Variants in JPH1 observed in about 807,000 individuals in gnomAD.
JPH1 encodes the protein junctophilin 1, also known as junctophilin-1.
JPH1 carries 12 observed loss-of-function variants against 53.6 expected under a neutral mutation model. That is an observed-to-expected ratio of 0.22 (90% CI 0.14 to 0.36). The LOEUF is 0.36. Among genes scored for constraint, JPH1 ranks in the 10% least tolerant of loss-of-function variants. JPH1 has a pLI of 1.00. For missense variants in JPH1, 808 were observed against 905.5 expected (o/e 0.89, Z 1.38); for synonymous variants, 375 against 363.8 (o/e 1.03, Z -0.35).
At chr8:74,280,137 A>C (rs992283147) in intron 2 of JPH1, among the ~76,000 whole-genome samples, 1 of 152,228 alleles carries the variant, frequency 6.6e-6, no homozygotes. Flanking sequence ...AGTAAGTAAA[A>C]AATGAAGTTA....
intron 1 of JPH1, among the ~76,000 whole-genome samples, chr8:74,316,610 G>A (rs1186116537): frequency 6.6e-6 from 1 of 152,150 alleles, no homozygotes; most frequent in East Asian, 1.9e-4. Context: ...ATCTTCTACT[G>A]TTACCATTTT....
intron 3 of JPH1, among the ~76,000 whole-genome samples, chr8:74,249,985 C>T (rs1453897795): frequency 2.0e-5 from 3 of 152,196 alleles, no homozygotes; most frequent in Non-Finnish European, 2.9e-5. Flanking sequence ...CCCAAGAGGG[C>T]TCCAAGTACT....
intron 2 of JPH1, among the ~76,000 whole-genome samples, chr8:74,287,502 T>C (rs1052763740): frequency 5.9e-5 from 9 of 152,166 alleles, no homozygotes; most frequent in African/African-American, 2.2e-4. Context: ...CTGATTGTTA[T>C]GAGCCCCAAG....
At chr8:74,312,092 T>C (rs1196006574) in intron 2 of JPH1, among the ~76,000 whole-genome samples, 2 of 152,176 alleles carry the variant, frequency 1.3e-5, no homozygotes, top group East Asian at 1.9e-4. Context: ...CATTATATAA[T>C]AGCAAGGAAT....
chr8:74,288,268 T>C (rs1165033454), intron 2 of JPH1, among the ~76,000 whole-genome samples: 1 of 152,242 alleles, frequency 6.6e-6, no homozygotes, highest in African/African-American at 2.4e-5. Flanking sequence ...GCTAAGCCTC[T>C]GCCACCCTCT....
chr8:74,289,593 A>C (rs1370368582), intron 2 of JPH1, among the ~76,000 whole-genome samples: 1 of 152,042 alleles, frequency 6.6e-6, no homozygotes, highest in African/African-American at 2.4e-5. Flanking sequence ...TACCTGCCTA[A>C]ATCCTTGTCA....
At position 74,321,404 on chromosome 8, in the gene JPH1, G is replaced by A; in HGVS notation, c.-117C>T. On this transcript the variant is annotated 5_prime_UTR_variant, in exon 1 of 6. Transcript: ENST00000342232. This position sits in a 1 kb window ranked among gnomAD's most constrained non-coding sequence, Gnocchi z 4.3. ...GGGCGAGCTCACGACAGCGCCCTGGGCAGCTCGCGCTGCCGCTCGGCTCCA... is the reference window on the plus strand; with the variant it reads ...GGGCGAGCTCACGACAGCGCCCTGGACAGCTCGCGCTGCCGCTCGGCTCCA... 1 of 1,023,676 alleles carries A rather than the reference G, an allele frequency of 9.8e-7. No individual in the cohort carries two copies. Among genetic ancestry groups the A allele is most frequent in the Non-Finnish European group, 1.3e-6 (1 of 763,870 alleles). 63.4% of individuals were successfully genotyped at this position (1,023,676 alleles called of 1,614,324 possible).
In JPH1 at chr8:74,320,945, G is replaced by T; in HGVS notation, c.343C>A (p.Gln115Lys). ...RYEGTWSNGL[Q>K]DGYGVETYGD... ...TAGGTCTCCACGCCGTACCCGTCTT[G>T]CAGCCCGTTACTCCAGGTACCCTCG... The change falls in exon 1 of 6, where the codon CAA becomes AAA. Residue 115 changes from glutamine to lysine, a missense_variant. Physicochemically the swap from Gln to Lys is moderately conservative, Grantham distance 53. This residue lies in a region of JPH1 where 756 missense variants were observed against 811.9 expected (regional missense o/e 0.93). Coordinates refer to ENST00000342232, the MANE Select transcript of JPH1 (RefSeq NM_020647.4). The surrounding 1 kb of genome is among the most constrained non-coding windows in gnomAD (Gnocchi z 4.4). 1 of 1,598,294 alleles carries T rather than the reference G, an allele frequency of 6.3e-7. No individual in the cohort carries two copies. The highest frequency in any genetic ancestry group is 8.5e-7 in the Non-Finnish European group (1 of 1,172,730).
chr8:74,279,602 A>T (rs1269926389), intron 2 of JPH1, among the ~76,000 whole-genome samples: 1 of 152,174 alleles, frequency 6.6e-6, no homozygotes, highest in East Asian at 1.9e-4. Flanking sequence ...CCTTCTATCT[A>T]CCTGTGATAT....
At chr8:74,247,250 T>G (rs1805885515) in intron 3 of JPH1, among the ~76,000 whole-genome samples, 1 of 152,186 alleles carries the variant, frequency 6.6e-6, no homozygotes, top group Non-Finnish European at 1.5e-5. Flanking sequence ...TTCCCTCACT[T>G]CTCTACCCAA....
At chr8:74,316,128 T>C (rs1808150346) in intron 1 of JPH1, among the ~76,000 whole-genome samples, 1 of 152,222 alleles carries the variant, frequency 6.6e-6, no homozygotes, top group Non-Finnish European at 1.5e-5. Context: ...TGGGACACAG[T>C]CATCAAATGA....
intron 1 of JPH1, among the ~76,000 whole-genome samples, chr8:74,317,638 G>C (rs552763646): frequency 6.6e-6 from 1 of 152,182 alleles, no homozygotes; most frequent in South Asian, 2.1e-4. Flanking sequence ...TATTTTGTTG[G>C]TTAAAAGAAT....
chr8:74,250,119 A>T (rs1427325668), intron 3 of JPH1, among the ~76,000 whole-genome samples: 3 of 151,448 alleles, frequency 2.0e-5, no homozygotes, highest in Non-Finnish European at 4.4e-5. Flanking sequence ...AACAAAATGA[A>T]TCTCTCGACT....
intron 2 of JPH1, among the ~76,000 whole-genome samples, chr8:74,287,569 A>T (rs1362841007): frequency 6.6e-6 from 1 of 152,170 alleles, no homozygotes; most frequent in Non-Finnish European, 1.5e-5. Context: ...AACAGCCTAG[A>T]TCTTTTTCTT....
chr8:74,262,791 G>T, intron 2 of JPH1, among the ~76,000 whole-genome samples: 1 of 152,198 alleles, frequency 6.6e-6, no homozygotes, highest in Non-Finnish European at 1.5e-5. Context: ...TGGGGAGCTG[G>T]TTATGCTCAC....
rs752290170 is a variant in JPH1, at chr8:74,244,860, G to A, written c.1574C>T (p.Ala525Val). 16 of 1,614,066 alleles carry A rather than the reference G, an allele frequency of 9.9e-6. No individual in the cohort carries two copies. Among genetic ancestry groups the A allele is most frequent in the East Asian group, 6.7e-5 (3 of 44,896 alleles). The change falls in exon 4 of 6, where the codon GCG (alanine) becomes GTG (valine). Residue 525 changes from alanine to valine, a missense_variant. By Grantham distance (64) the Ala-to-Val change is moderately conservative (BLOSUM62 0). Coordinates refer to ENST00000342232, the MANE Select transcript of JPH1 (RefSeq NM_020647.4). ...AGAGTACTTGGACTGGGGCACAACC[G>A]CTCCTGCCTCCTTCGTGGGAGCCTT... ...MSKAPTKEAG[A>V]VVPQSKYSGR...
chr8:74,292,546 AG>A (rs1373507109), intron 2 of JPH1, among the ~76,000 whole-genome samples: 1 of 152,226 alleles, frequency 6.6e-6, no homozygotes, highest in African/African-American at 2.4e-5. Flanking sequence ...ATGGGGGAAA[AG>A]AATGGCTTCA....
intron 2 of JPH1, among the ~76,000 whole-genome samples, chr8:74,287,644 T>C (rs1300016065): frequency 1.3e-5 from 2 of 151,838 alleles, no homozygotes; most frequent in South Asian, 2.1e-4. Flanking sequence ...AGTTTGCACA[T>C]ACAATTTAAC....
intron 2 of JPH1, among the ~76,000 whole-genome samples, chr8:74,300,846 C>A (rs1287877069): frequency 3.3e-5 from 5 of 152,170 alleles, no homozygotes; most frequent in African/African-American, 7.2e-5. Flanking sequence ...CACTTCCTCA[C>A]CCGTTTCATT....
Sources: allele counts gnomAD v4.1 joint callset (sites outside exome capture counted in the v4.1 genomes callset), GRCh38; gene constraint gnomAD v4.1.1; regional missense constraint gnomAD v4.1.1; non-coding constraint Gnocchi (gnomAD v3.1); transcripts MANE v1.5; gene names NCBI Gene and HGNC (gene_info 2026-07-23, HGNC 2026-07-21).